Variants in CSMD3 observed in about 807,000 individuals in gnomAD.
CSMD3 encodes CUB and sushi domain-containing protein 3.
A neutral mutation model predicts 435.2 loss-of-function variants in CSMD3; 177 were observed. The ratio of observed to expected loss-of-function variants is 0.41; its 90% CI spans 0.36 to 0.46. The LOEUF (loss-of-function observed/expected upper bound fraction) is 0.46. Ranked by LOEUF, CSMD3 falls within the 20% of genes least tolerant of loss-of-function variation. The pLI is 0.34. For missense variants in CSMD3, 4,265 were observed against 4,504.6 expected, an observed-to-expected ratio of 0.95 and a Z score of 1.52; for synonymous variants, 1,656 against 1,520.5, an observed-to-expected ratio of 1.09 and a Z score of -2.07.
chr8:113,335,565 G>GTTTTTTTTTTTTTTTTT (rs1263100966), intron 1 of CSMD3, among the ~76,000 whole-genome samples: 4 of 98,124 alleles, frequency 4.1e-5, no homozygotes, highest in Admixed American at 2.2e-4. Flanking sequence ...TTTTTTTTGG[G>GTTTTTTTTTTTTTTTTT]TATTTACATG....
chr8:113,078,123 A>T (rs1203260669), intron 5 of CSMD3, among the ~76,000 whole-genome samples: 1 of 152,182 alleles, frequency 6.6e-6, no homozygotes, highest in Non-Finnish European at 1.5e-5. Context: ...ATAAGATGCC[A>T]TTTACAGTCA....
intron 6 of CSMD3, among the ~76,000 whole-genome samples, chr8:112,981,482 G>A (rs536601970): frequency 5.7e-4 from 87 of 151,472 alleles, no homozygotes; most frequent in South Asian, 6.2e-4. Flanking sequence ...GTTTATAAGC[G>A]TTAAATAGGA....
At chr8:112,233,621 T>C (rs1219092956) in intron 68 of CSMD3, among the ~76,000 whole-genome samples, 1 of 152,166 alleles carries the variant, frequency 6.6e-6, no homozygotes, top group African/African-American at 2.4e-5. Context: ...CGAAGGCTAC[T>C]ACATAGCAGC....
At chr8:112,330,415 T>C (rs1823923682) in intron 45 of CSMD3, among the ~76,000 whole-genome samples, 1 of 152,112 alleles carries the variant, frequency 6.6e-6, no homozygotes, top group Non-Finnish European at 1.5e-5. Flanking sequence ...AGTACATTGA[T>C]ATTAGAAAAT....
intron 1 of CSMD3, among the ~76,000 whole-genome samples, chr8:113,321,371 A>G (rs1588511556): frequency 6.6e-6 from 1 of 152,108 alleles, no homozygotes; most frequent in Non-Finnish European, 1.5e-5. Flanking sequence ...TGACCTAGGA[A>G]TAGTTCTTTG....
At chr8:112,260,789 A>T (rs1351793390) in intron 61 of CSMD3, among the ~76,000 whole-genome samples, 1 of 152,148 alleles carries the variant, frequency 6.6e-6, no homozygotes, top group East Asian at 1.9e-4. Flanking sequence ...GACTTCCTCC[A>T]AAATTAGAGA....
chr8:112,999,126 A>G (rs1055704476), intron 6 of CSMD3, among the ~76,000 whole-genome samples: 1 of 151,976 alleles, frequency 6.6e-6, no homozygotes, highest in Non-Finnish European at 1.5e-5. Flanking sequence ...AGCATATAGC[A>G]GTGTACAAAA....
intron 11 of CSMD3, among the ~76,000 whole-genome samples, chr8:112,837,555 G>A (rs1042812315): frequency 1.3e-5 from 2 of 151,748 alleles, no homozygotes; most frequent in South Asian, 2.1e-4. Flanking sequence ...CAATAAGCAA[G>A]GATTATAAAA....
chr8:112,309,130 A>G (rs1821715374), intron 50 of CSMD3, among the ~76,000 whole-genome samples: 2 of 152,032 alleles, frequency 1.3e-5, no homozygotes, highest in South Asian at 2.1e-4. Flanking sequence ...TGAATTTAAA[A>G]CAATTTTAAA....
At chr8:113,152,358 A>T (rs2091827982) in intron 4 of CSMD3, among the ~76,000 whole-genome samples, 1 of 152,106 alleles carries the variant, frequency 6.6e-6, no homozygotes, top group African/African-American at 2.4e-5. Context: ...AAGGATATGG[A>T]ACAAACACAT....
At chr8:113,293,279 C>A (rs918567316) in intron 2 of CSMD3, among the ~76,000 whole-genome samples, 3 of 151,340 alleles carry the variant, frequency 2.0e-5, no homozygotes, top group Non-Finnish European at 4.4e-5. Flanking sequence ...ACTTGGATAT[C>A]TAATCCACAT....
intron 63 of CSMD3, among the ~76,000 whole-genome samples, chr8:112,251,976 A>C (rs1815305872): frequency 6.6e-6 from 1 of 151,938 alleles, no homozygotes. Flanking sequence ...TAGAGTTTTC[A>C]TCATCTCTAG....
chr8:112,845,269 G>T (rs2132549350), intron 11 of CSMD3, among the ~76,000 whole-genome samples: 1 of 152,096 alleles, frequency 6.6e-6, no homozygotes, highest in African/African-American at 2.4e-5. Context: ...GTCCTTAAGG[G>T]TTAAACTAAG....
intron 67 of CSMD3, among the ~76,000 whole-genome samples, 191 bp from the exon 68 acceptor site, chr8:112,234,668 C>T (rs1813409144): frequency 6.6e-6 from 1 of 152,124 alleles, no homozygotes; most frequent in African/African-American, 2.4e-5. Flanking sequence ...ATTTATCTGT[C>T]TTCTGAAATC....
chr8:112,357,590 G>C (rs1347099717), intron 38 of CSMD3, among the ~76,000 whole-genome samples: 2 of 152,166 alleles, frequency 1.3e-5, no homozygotes, highest in African/African-American at 4.8e-5. Context: ...AGGCCTAGAG[G>C]CCTAGGAGGA....
intron 3 of CSMD3, among the ~76,000 whole-genome samples, chr8:113,212,557 C>A (rs1303515528): frequency 1.3e-5 from 2 of 152,102 alleles, no homozygotes; most frequent in African/African-American, 4.8e-5. Flanking sequence ...ACTATGCAAT[C>A]ATAAAAAATG....
intron 3 of CSMD3, among the ~76,000 whole-genome samples, chr8:113,238,267 T>A (rs185253688): frequency 1.2e-3 from 190 of 152,242 alleles, no homozygotes; most frequent in African/African-American, 4.4e-3. Context: ...TAGGTCAACC[T>A]TTTTAAGGGA....
chr8:112,696,809 T>G (rs1294991242), intron 13 of CSMD3, among the ~76,000 whole-genome samples: 1 of 151,292 alleles, frequency 6.6e-6, no homozygotes, highest in African/African-American at 2.4e-5. Context: ...TGGGAGAAAA[T>G]TTTTGCAATC....
intron 22 of CSMD3, among the ~76,000 whole-genome samples, chr8:112,625,259 G>A (rs1190258268): frequency 6.6e-6 from 1 of 152,012 alleles, no homozygotes; most frequent in African/African-American, 2.4e-5. Context: ...TAGGTACAAG[G>A]CAAGCCTTAG....
Sources: allele counts gnomAD v4.1 joint callset (sites outside exome capture counted in the v4.1 genomes callset), GRCh38; gene constraint gnomAD v4.1.1; transcripts MANE v1.5; gene names NCBI Gene and HGNC (gene_info 2026-07-23, HGNC 2026-07-21).